The following CACNA2D3 variants were observed in gnomAD, a reference collection of about 807,000 sequenced individuals.
CACNA2D3 encodes calcium voltage-gated channel auxiliary subunit alpha2delta 3, also known as voltage-dependent calcium channel subunit alpha-2/delta-3.
A neutral mutation model predicts 160.6 loss-of-function variants in CACNA2D3; 60 were observed. That is an observed-to-expected ratio of 0.37 (90% confidence interval 0.30 to 0.46). The LOEUF (loss-of-function observed/expected upper bound fraction) is 0.46. Ranked by LOEUF, CACNA2D3 falls within the 20% of genes least tolerant of loss-of-function variation. CACNA2D3 has a pLI of 1.00. For missense variants in CACNA2D3, 1,205 were observed against 1,365.0 expected (o/e 0.88, Z 1.85); for synonymous variants, 558 against 492.9 (o/e 1.13, Z -1.75).
At chr3:54,333,133 G>T (rs1027991040) in intron 3 of CACNA2D3, among the ~76,000 whole-genome samples, 42 of 151,444 alleles carry the variant, frequency 2.8e-4, no homozygotes, top group African/African-American at 9.2e-4. Flanking sequence ...AAGACAAGGG[G>T]TTTTTTTTTC....
chr3:54,465,383 T>C (rs1365176620), intron 4 of CACNA2D3, among the ~76,000 whole-genome samples: 7 of 152,222 alleles, frequency 4.6e-5, no homozygotes, highest in African/African-American at 9.6e-5. Context: ...GTAATTGCTA[T>C]AATTGTTATT....
intron 30 of CACNA2D3, among the ~76,000 whole-genome samples, chr3:54,987,472 C>G (rs1702640367): frequency 6.6e-6 from 1 of 152,138 alleles, no homozygotes; most frequent in African/African-American, 2.4e-5. Context: ...GCAGCCCCCT[C>G]CCACGTACTG....
rs575385162 is a variant in CACNA2D3 at position 54,985,178 on chromosome 3, C to T, written c.2619+508C>T. On this transcript the variant is annotated intron_variant, in intron 30 of 37. Coordinates refer to ENST00000474759, the MANE Select transcript of CACNA2D3 (RefSeq NM_018398.3). ...GATTAACAGCTTGGGCTCTCAACACCGAGGGACAAGGGTCCAGAGATAGAA... is the reference window on the plus strand; with the variant it reads ...GATTAACAGCTTGGGCTCTCAACACTGAGGGACAAGGGTCCAGAGATAGAA... 5.3e-5 allele frequency among the ~76,000 whole-genome samples: 8 copies of T among 152,198 alleles called. No individual in the cohort carries two copies. In the South Asian group the frequency reaches 6.2e-4, roughly 12 times the overall value.
intron 11 of CACNA2D3, among the ~76,000 whole-genome samples, chr3:54,678,901 G>T (rs1575419165): frequency 6.6e-6 from 1 of 152,114 alleles, no homozygotes; most frequent in African/African-American, 2.4e-5. Context: ...TCAACGAACA[G>T]TCTGAATTGG....
intron 14 of CACNA2D3, among the ~76,000 whole-genome samples, chr3:54,836,049 C>T (rs142355462): frequency 5.1e-4 from 78 of 152,228 alleles, no homozygotes; most frequent in African/African-American, 1.8e-3. Flanking sequence ...CAAAGCCTAC[C>T]ATGTTCCAAG....
intron 13 of CACNA2D3, among the ~76,000 whole-genome samples, chr3:54,787,797 T>C (rs567287380): frequency 3.3e-5 from 5 of 152,296 alleles, no homozygotes; most frequent in African/African-American, 7.2e-5. Context: ...ATAAGAGTTA[T>C]TGCCTCTTCC....
At chr3:54,865,971 G>C (rs140181694) in intron 17 of CACNA2D3, among the ~76,000 whole-genome samples, 133 of 152,024 alleles carry the variant, frequency 8.7e-4, no homozygotes, top group African/African-American at 3.2e-3. Context: ...AGACCACACA[G>C]CATGTAGAAC....
intron 11 of CACNA2D3, among the ~76,000 whole-genome samples, chr3:54,670,625 A>G (rs937906979): frequency 3.3e-5 from 5 of 152,188 alleles, no homozygotes; most frequent in African/African-American, 1.2e-4. Context: ...GAAGCCATTT[A>G]TGAGCCTTTA....
At chr3:54,886,810 A>G (rs1699936818) in intron 23 of CACNA2D3, among the ~76,000 whole-genome samples, 1 of 151,708 alleles carries the variant, frequency 6.6e-6, no homozygotes, top group South Asian at 2.1e-4. Context: ...TATTTTTGAA[A>G]TTTGTGTTGA....
At chr3:54,206,830 T>C (rs745437869) in intron 2 of CACNA2D3, among the ~76,000 whole-genome samples, 1 of 152,248 alleles carries the variant, frequency 6.6e-6, no homozygotes, top group Non-Finnish European at 1.5e-5. Context: ...ACTCTGGCTG[T>C]TGAAACAACC....
At chr3:54,434,698 C>G (rs1246077418) in intron 4 of CACNA2D3, among the ~76,000 whole-genome samples, 1 of 152,218 alleles carries the variant, frequency 6.6e-6, no homozygotes, top group Non-Finnish European at 1.5e-5. Flanking sequence ...CAGGCCCACC[C>G]AACCAGGAGG....
At chr3:54,428,860 G>A (rs968463343) in intron 4 of CACNA2D3, among the ~76,000 whole-genome samples, 34 of 116,914 alleles carry the variant, frequency 2.9e-4, no homozygotes, top group South Asian at 3.1e-4. Flanking sequence ...TCCTACATCC[G>A]ATGAAGTTGA....
chr3:54,133,075 G>A (rs1699747749), intron 2 of CACNA2D3, among the ~76,000 whole-genome samples: 1 of 152,070 alleles, frequency 6.6e-6, no homozygotes, highest in Non-Finnish European at 1.5e-5. Flanking sequence ...TCCACTTGAG[G>A]GGTTGTTAAT....
chr3:54,698,839 T>C (rs1354265151), intron 11 of CACNA2D3, among the ~76,000 whole-genome samples: 1 of 152,154 alleles, frequency 6.6e-6, no homozygotes, highest in Non-Finnish European at 1.5e-5. Context: ...TGTATTTATC[T>C]CCCACCCTGT....
At chr3:54,192,398 A>G (rs1231114082) in intron 2 of CACNA2D3, among the ~76,000 whole-genome samples, 1 of 152,190 alleles carries the variant, frequency 6.6e-6, no homozygotes, top group African/African-American at 2.4e-5. Context: ...ACAACACATA[A>G]TTGAGACAGG....
rs76200231 is a variant in CACNA2D3, at chr3:54,173,248, A to G, written c.204+49654A>G. On this transcript the variant is annotated intron_variant, in intron 2 of 37. Coordinates refer to ENST00000474759, the MANE Select transcript of CACNA2D3 (RefSeq NM_018398.3). ...TCTTGGAACCCTTTTTGTGCTTAAC[A>G]TTCTGCAAACATCTTTGGGTCCTCC... Among the ~76,000 whole-genome samples, 281 of 152,318 alleles carry G rather than the reference A, an allele frequency of 1.8e-3. 1 individual carries two copies. The highest frequency in any genetic ancestry group is 6.5e-3 in the African/African-American group (269 of 41,574).
intron 2 of CACNA2D3, among the ~76,000 whole-genome samples, chr3:54,181,728 G>A (rs950401232): frequency 2.6e-5 from 4 of 152,048 alleles, no homozygotes; most frequent in African/African-American, 9.7e-5. Flanking sequence ...CAATTCTTGC[G>A]AGCTGGCCAG....
At chr3:54,270,317 A>C (rs560580331) in intron 2 of CACNA2D3, among the ~76,000 whole-genome samples, 1 of 152,366 alleles carries the variant, frequency 6.6e-6, no homozygotes, top group South Asian at 2.1e-4. Context: ...GCCTTGCCTT[A>C]TATAAATATA....
chr3:55,060,343 T>G (rs1464137743), intron 35 of CACNA2D3, among the ~76,000 whole-genome samples: 2 of 152,128 alleles, frequency 1.3e-5, no homozygotes, highest in East Asian at 1.9e-4. Context: ...GTAGACGATG[T>G]TGGTGGTGAT....
Sources: allele counts gnomAD v4.1 joint callset (sites outside exome capture counted in the v4.1 genomes callset), GRCh38; gene constraint gnomAD v4.1.1; transcripts MANE v1.5; gene names NCBI Gene and HGNC (gene_info 2026-07-23, HGNC 2026-07-21).